Variants in RNF135 observed in about 807,000 individuals in gnomAD.
RNF135 encodes the protein ring finger protein 135.
In RNF135, 46 loss-of-function variants were observed where a neutral mutation model predicts 41.9. The observed-to-expected ratio is 1.10, with a 90% CI of 0.87 to 1.40. The LOEUF (loss-of-function observed/expected upper bound fraction) is 1.40. Among genes scored for constraint, RNF135 ranks in the 40% most tolerant of loss-of-function variants. The pLI, the probability that RNF135 is intolerant of heterozygous loss-of-function variation, is 0.00. For synonymous variants in RNF135, 238 were observed against 223.8 expected, an observed-to-expected ratio of 1.06 and a Z score of -0.57; for missense variants, 539 against 549.8, an observed-to-expected ratio of 0.98 and a Z score of 0.20.
At position 30,997,329 on chromosome 17, in the gene RNF135, A is replaced by G; in HGVS notation, c.767A>G (p.Gln256Arg). 6.2e-7 allele frequency: 1 copy of G among 1,613,704 alleles called. No individual in the cohort carries two copies. Among genetic ancestry groups the G allele is most frequent in the Non-Finnish European group, 8.5e-7 (1 of 1,179,626 alleles). ...CTCAGGAGAGCTTCTCGGTTTGCTC[A>G]GTGTAAGTATGTGGTCCACTTTAAA... The part of the protein sequence containing the change: ...PALRRASRFA[Q>R]WAIHPTFNLK... Residue 256 changes from glutamine to arginine, a missense_variant and splice_region_variant, in exon 4 of 5, where the codon CAG becomes CGG. Physicochemically the swap from Gln to Arg is conservative, Grantham distance 43. This residue lies in a region of RNF135 where 262 missense variants were observed against 336.9 expected (regional missense o/e 0.78). Coordinates refer to ENST00000328381, the MANE Select transcript of RNF135 (RefSeq NM_032322.4).
chr17:30,997,905 A>G (rs1490689657), intron 4 of RNF135, among the ~76,000 whole-genome samples: 1 of 152,250 alleles, frequency 6.6e-6, no homozygotes, highest in Non-Finnish European at 1.5e-5. Flanking sequence ...GTCATGCTGT[A>G]TAAGTGTTAG....
At chr17:30,988,924 C>CTTTTTTTT (rs572603845) in intron 3 of RNF135, among the ~76,000 whole-genome samples, 25 of 99,886 alleles carry the variant, frequency 2.5e-4, no homozygotes, top group East Asian at 9.0e-4. Context: ...TTCTTTCTTT[C>CTTTTTTTT]TTTTTTTTTT....
intron 1 of RNF135, chr17:30,980,086 A>AT (rs1906949301): frequency 8.4e-6 from 1 of 118,700 alleles, no homozygotes; most frequent in East Asian, 2.5e-4. Flanking sequence ...CGGGGGGCTG[A>AT]CTCCCCCACC....
chr17:30,975,511 C>A (rs547984066), intron 1 of RNF135: 11 of 777,432 alleles, frequency 1.4e-5, no homozygotes, highest in Non-Finnish European at 2.6e-5. Context: ...CATACCCAAA[C>A]CCCTGCCCTC....
At chr17:30,969,759 C>CTTTTTTTTTTTTTTT (rs757330088), upstream of RNF135, among the ~76,000 whole-genome samples, 24 of 122,612 alleles carry the variant, frequency 2.0e-4, no homozygotes, top group Non-Finnish European at 2.8e-4. Flanking sequence ...TCTTTTTTTT[C>CTTTTTTTTTTTTTTT]TTTTTTTTTT....
chr17:30,974,328 A>G (rs1906247607), intron 1 of RNF135, among the ~76,000 whole-genome samples: 1 of 152,244 alleles, frequency 6.6e-6, no homozygotes, highest in African/African-American at 2.4e-5. Context: ...TAAATAGAGA[A>G]GTGTGAGTTC....
upstream of RNF135, chr17:30,970,887 G>A (rs574389308): frequency 9.2e-5 from 72 of 782,862 alleles, no homozygotes; most frequent in Non-Finnish European, 1.4e-4. Flanking sequence ...CTTTCCAGCT[G>A]GGCACTGGAG....
the RNF135 span, among the ~76,000 whole-genome samples, chr17:30,961,334 A>G: frequency 1.3e-5 from 2 of 152,212 alleles, no homozygotes; most frequent in Non-Finnish European, 2.9e-5. Flanking sequence ...AGTCAACACA[A>G]TAAGCCTCAG....
At chr17:30,983,302 T>C (rs1353658349) in intron 1 of RNF135, among the ~76,000 whole-genome samples, 7 of 125,078 alleles carry the variant, frequency 5.6e-5, no homozygotes, top group Non-Finnish European at 8.7e-5. Context: ...ATATGGTAAT[T>C]CTAATTACAT....
At chr17:30,970,360 C>G (rs1418657504), upstream of RNF135, 1 of 152,190 alleles carries the variant, frequency 6.6e-6, no homozygotes, top group African/African-American at 2.4e-5. Flanking sequence ...TGTTGGGAAA[C>G]GCGCTTACAT....
At chr17:30,983,347 ATATATATTTT>A (rs1433154919) in intron 1 of RNF135, among the ~76,000 whole-genome samples, 484 of 36,736 alleles carry the variant, frequency 0.013, 3 homozygotes, top group African/African-American at 0.031. Flanking sequence ...ATATATATAT[ATATATATTTT>A]TTTTTTTTTT....
chr17:30,998,005 G>T (rs12453269), intron 4 of RNF135, among the ~76,000 whole-genome samples: 2 of 152,268 alleles, frequency 1.3e-5, no homozygotes, highest in Admixed American at 6.5e-5. Context: ...TAACTGGGAA[G>T]GTATAAACAG....
chr17:30,994,695 A>C (rs1016831827), intron 3 of RNF135, among the ~76,000 whole-genome samples: 1 of 150,724 alleles, frequency 6.6e-6, no homozygotes, highest in Non-Finnish European at 1.5e-5. Context: ...GTGCAATGGC[A>C]TGATCTCGGC....
chr17:30,963,906 G>A, the RNF135 span, among the ~76,000 whole-genome samples: 4 of 152,268 alleles, frequency 2.6e-5, no homozygotes, highest in South Asian at 8.3e-4. Flanking sequence ...CTTGAGGCCA[G>A]GAGTTTGAGA....
At chr17:30,971,009 G>C (rs368405763), upstream of RNF135, 26 of 1,529,852 alleles carry the variant, frequency 1.7e-5, 1 homozygote, top group East Asian at 4.4e-4. Flanking sequence ...GGAAGGGCGA[G>C]GGAGGAGCCT....
At position 30,997,261 on chromosome 17, in the gene RNF135, G is replaced by A. The variant is rs757542285; in HGVS notation, c.699G>A (p.Pro233=). Residue 233 remains proline (P), a synonymous_variant, in exon 4 of 5, where the codon CCG becomes CCA. Transcript: ENST00000328381. ...ACTTAGGAGAACTCCTGGAAGCCCC[G>A]TCTTCCTCCTCATGCCCATTGCCTG... ...AQMQGELLEA[P]SSSSCPLPDQ... is the part of the protein sequence containing the mutation. The A allele has an allele frequency of 1.5e-5, 25 of 1,613,860 alleles. No individual in the cohort carries two copies. Among genetic ancestry groups the A allele is most frequent in the Admixed American group, 5.0e-5 (3 of 59,968 alleles).
At chr17:30,993,130 G>A (rs373075548) in intron 3 of RNF135, among the ~76,000 whole-genome samples, 8 of 150,390 alleles carry the variant, frequency 5.3e-5, no homozygotes, top group African/African-American at 2.0e-4. Context: ...GCGCGATCTC[G>A]GCTCACCACA....
At chr17:30,980,025 G>C (rs1314009201) in intron 1 of RNF135, among the ~76,000 whole-genome samples, 1 of 124,124 alleles carries the variant, frequency 8.1e-6, no homozygotes, top group Non-Finnish European at 1.7e-5. Context: ...GCGGCTGGCC[G>C]GGCGGGGGGC....
intron 1 of RNF135, among the ~76,000 whole-genome samples, chr17:30,974,185 TG>T (rs1177566037): frequency 6.6e-6 from 1 of 152,162 alleles, no homozygotes; most frequent in African/African-American, 2.4e-5. Context: ...GCCTGGGTAA[TG>T]GAGTGAGACT....
Sources: gnomAD v4.1 joint callset for allele counts (sites outside exome capture counted in the v4.1 genomes callset) on GRCh38, gnomAD v4.1.1 for gene constraint, gnomAD v4.1.1 regional missense constraint, MANE v1.5 for transcripts, NCBI Gene and HGNC (gene_info 2026-07-23, HGNC 2026-07-21) for gene names.